ATAD1: variants seen among roughly 807,000 people sequenced by gnomAD.
The protein encoded by ATAD1 is outer mitochondrial transmembrane helix translocase.
Under a neutral mutation model 42.7 loss-of-function variants are expected in ATAD1, and 18 were observed. That is an observed-to-expected ratio of 0.42 (90% CI 0.29 to 0.63). ATAD1 has a LOEUF of 0.63. ATAD1 is among the 20% of genes least tolerant of loss of function. The pLI, the probability that ATAD1 is intolerant of heterozygous loss-of-function variation, is 0.19. For missense variants in ATAD1, 294 were observed against 440.4 expected (o/e 0.67, Z 2.98); for synonymous variants, 132 against 143.1 (o/e 0.92, Z 0.55).
intron 8 of ATAD1, among the ~76,000 whole-genome samples, chr10:87,757,164 C>T (rs796322450): frequency 9.3e-5 from 14 of 150,814 alleles, no homozygotes; most frequent in African/African-American, 2.4e-4. Flanking sequence ...TGGGGAAGAA[C>T]GGATATTGGA....
At chr10:87,765,178 G>C (rs1235307470) in intron 8 of ATAD1, among the ~76,000 whole-genome samples, 3 of 152,024 alleles carry the variant, frequency 2.0e-5, no homozygotes, top group African/African-American at 7.2e-5. Flanking sequence ...ATTAGCCATG[G>C]GGTTTCTGGT....
intron 1 of ATAD1, among the ~76,000 whole-genome samples, chr10:87,830,595 T>A (rs1564790546): frequency 6.6e-6 from 1 of 152,212 alleles, no homozygotes; most frequent in Non-Finnish European, 1.5e-5. Flanking sequence ...TAGATTTATC[T>A]CTATTTGTGT....
intron 7 of ATAD1, 44 bp from the exon 8 acceptor site, chr10:87,767,767 T>G (rs1334383385): frequency 6.4e-7 from 1 of 1,553,080 alleles, no homozygotes; most frequent in Non-Finnish European, 8.8e-7. Context: ...ATTTTTTATT[T>G]TTTTAAAAAG....
At chr10:87,794,147 G>A (rs1049988489) in intron 2 of ATAD1, among the ~76,000 whole-genome samples, 3 of 152,126 alleles carry the variant, frequency 2.0e-5, no homozygotes, top group Admixed American at 1.3e-4. Flanking sequence ...TTGAGCCTTG[G>A]AGATCAAGAC....
chr10:87,780,849 G>A (rs1855529550), intron 5 of ATAD1, among the ~76,000 whole-genome samples: 1 of 152,158 alleles, frequency 6.6e-6, no homozygotes, highest in Admixed American at 6.5e-5. Context: ...CACAGAAAGT[G>A]TAGACAAGAA....
intron 1 of ATAD1, among the ~76,000 whole-genome samples, chr10:87,831,492 C>G (rs1857827963): frequency 1.3e-5 from 2 of 152,174 alleles, no homozygotes; most frequent in Admixed American, 1.3e-4. Flanking sequence ...CTATAGATTT[C>G]TCATCACAAT....
At chr10:87,757,473 A>G (rs1349821243) in intron 8 of ATAD1, among the ~76,000 whole-genome samples, 1 of 152,210 alleles carries the variant, frequency 6.6e-6, no homozygotes, top group Non-Finnish European at 1.5e-5. Flanking sequence ...TAAGAAGAGA[A>G]AATAAGCAAG....
intron 8 of ATAD1, among the ~76,000 whole-genome samples, chr10:87,758,367 A>G (rs2131757977): frequency 6.6e-6 from 1 of 152,284 alleles, no homozygotes; most frequent in South Asian, 2.1e-4. Context: ...TAAAGAATAC[A>G]AGAGCAGTAT....
chr10:87,832,703 T>G (rs1342446373), intron 1 of ATAD1: 1 of 152,196 alleles, frequency 6.6e-6, no homozygotes, highest in Non-Finnish European at 1.5e-5. Context: ...TGTATTAATT[T>G]TAAGATCAGC....
intron 3 of ATAD1, among the ~76,000 whole-genome samples, chr10:87,792,397 T>C (rs1435547213): frequency 1.3e-5 from 2 of 152,184 alleles, no homozygotes; most frequent in African/African-American, 2.4e-5. Flanking sequence ...GATGCACTAA[T>C]TAAGCACTGT....
At chr10:87,821,255 C>T (rs1857625995), upstream of ATAD1, among the ~76,000 whole-genome samples, 1 of 152,076 alleles carries the variant, frequency 6.6e-6, no homozygotes, top group Non-Finnish European at 1.5e-5. Flanking sequence ...TGGCTGGGCG[C>T]AGTGGCTCAC....
intron 8 of ATAD1, among the ~76,000 whole-genome samples, chr10:87,757,815 GAC>G (rs1052196545): frequency 6.6e-5 from 10 of 152,120 alleles, no homozygotes; most frequent in African/African-American, 2.2e-4. Flanking sequence ...ATACGTGGAA[GAC>G]ACAGTGTTTT....
rs1273182985 is a variant in ATAD1, at chr10:87,753,083, G to A, written c.*1604C>T. On this transcript the variant is annotated 3_prime_UTR_variant, in exon 10 of 10. Transcript: ENST00000680024. ...AAATCCCAGAAAACTTAAAATTACT[G>A]AAAAAGACCAAAGATTAAGTGGAGA... 1.3e-5 allele frequency: 2 copies of A among 151,974 alleles called. No homozygotes were observed. The highest frequency in any genetic ancestry group is 2.9e-5 in the Non-Finnish European group (2 of 67,960). The allele number at this position is 151,974 out of a possible 1,614,324, so 9.4% of individuals were successfully genotyped here.
In ATAD1 at chr10:87,776,357, A is replaced by T; in HGVS notation, c.654T>A (p.Ser218Arg). ...ATAMMKAQFMSLWDGLDTDHS... is the reference protein window; with the variant it reads ...ATAMMKAQFMRLWDGLDTDHS... ...GATCAGTATCCAATCCATCCCAGAG[A>T]CTCATAAACTGAGCTTTCATCATGG... Residue 218 changes from serine to arginine, a missense_variant, in exon 6 of 10, where the codon AGT becomes AGA. Around this residue, in one of 3 missense-constraint regions of ATAD1, gnomAD observed 142 missense variants for 174.6 expected, o/e 0.81. Transcript: ENST00000680024. 3 of 1,613,870 alleles carry T rather than the reference A, an allele frequency of 1.9e-6. No homozygotes were observed. The highest frequency in any genetic ancestry group is 2.5e-6 in the Non-Finnish European group (3 of 1,179,844).
chr10:87,812,052 A>G (rs1857209000), intron 2 of ATAD1, among the ~76,000 whole-genome samples: 1 of 152,074 alleles, frequency 6.6e-6, no homozygotes, highest in Admixed American at 6.5e-5. Flanking sequence ...GTGTTAGTCT[A>G]TTTCACTCAA....
At chr10:87,818,617 C>T (rs1454900375), upstream of ATAD1, 1 of 152,310 alleles carries the variant, frequency 6.6e-6, no homozygotes, top group Non-Finnish European at 1.5e-5. Context: ...ACCCTCACGC[C>T]GCGGCTTTGT....
chr10:87,818,307 G>C, upstream of ATAD1: 1 of 967,696 alleles, frequency 1.0e-6, no homozygotes. Context: ...TCGCCGGCGC[G>C]GAGGGGGCGT....
At chr10:87,792,118 T>C (rs1231850243) in intron 3 of ATAD1, among the ~76,000 whole-genome samples, 7 of 152,248 alleles carry the variant, frequency 4.6e-5, no homozygotes, top group Non-Finnish European at 1.0e-4. Flanking sequence ...AAAGGCATAT[T>C]TGCAAGATTG....
chr10:87,819,527 T>C (rs1857585229), upstream of ATAD1, among the ~76,000 whole-genome samples: 1 of 152,182 alleles, frequency 6.6e-6, no homozygotes, highest in Non-Finnish European at 1.5e-5. Context: ...AGATAATACC[T>C]AGTTAATGTC....
Sources: gnomAD v4.1 joint callset for allele counts (sites outside exome capture counted in the v4.1 genomes callset) on GRCh38, gnomAD v4.1.1 for gene constraint, gnomAD v4.1.1 regional missense constraint, MANE v1.5 for transcripts, NCBI Gene and HGNC (gene_info 2026-07-23, HGNC 2026-07-21) for gene names.